AMN: variants seen among roughly 807,000 people sequenced by gnomAD.
AMN encodes the protein amnion associated transmembrane protein, also known as protein amnionless.
Under a neutral mutation model 49.1 loss-of-function variants are expected in AMN, and 40 were observed. The ratio of observed to expected loss-of-function variants is 0.81; its 90% CI spans 0.63 to 1.06. The LOEUF (loss-of-function observed/expected upper bound fraction) is 1.06. AMN is among the 50% of genes least tolerant of loss of function. AMN has a pLI of 0.00. For synonymous variants in AMN, 380 were observed against 313.3 expected, an observed-to-expected ratio of 1.21 and a Z score of -2.25; for missense variants, 701 against 662.8, an observed-to-expected ratio of 1.06 and a Z score of -0.63.
chr14:102,929,958 A>G lies in AMN; in HGVS notation c.878A>G (p.Lys293Arg), dbSNP rs927694676. ...QYHGLQVAVSKVPRSSRLREA... is the reference protein window; with the variant it reads ...QYHGLQVAVSRVPRSSRLREA... ...CACGGGCTGCAGGTGGCCGTGTCCAAGGTGCCACGCTCGTCCCGGCTCCGT... is the reference window on the plus strand; with the variant it reads ...CACGGGCTGCAGGTGGCCGTGTCCAGGGTGCCACGCTCGTCCCGGCTCCGT... The change falls in exon 9 of 12, where the codon AAG becomes AGG. Residue 293 changes from lysine to arginine, a missense_variant. By Grantham distance (26) the Lys-to-Arg change is conservative. Coordinates refer to ENST00000299155, the MANE Select transcript of AMN (RefSeq NM_030943.4). The G allele has an allele frequency of 6.4e-7, 1 of 1,564,222 alleles. No individual in the cohort carries two copies. The highest frequency in any genetic ancestry group is 8.7e-7 in the Non-Finnish European group (1 of 1,155,290).
At position 102,928,412 on chromosome 14, in the gene AMN, C is replaced by G; in HGVS notation, c.208-14C>G. The G allele has an allele frequency of 1.3e-6, 2 of 1,586,038 alleles. No individual in the cohort carries two copies. Among genetic ancestry groups the G allele is most frequent in the Non-Finnish European group, 1.7e-6 (2 of 1,168,566 alleles). On this transcript the variant is annotated splice_polypyrimidine_tract_variant and intron_variant, in intron 3 of 11. Coordinates refer to ENST00000299155, the MANE Select transcript of AMN (RefSeq NM_030943.4). The stretch of plus-strand genomic sequence containing the variant: ...ACCCCCGCGTGGCGCCGCCTCAGCC[C>G]GTGTCTCTTGCAGCTCCTGCCGCTG...
chr14:102,928,321 C>T (rs150790705), intron 3 of AMN, 105 bp from the exon 4 acceptor site: 10 of 1,067,274 alleles, frequency 9.4e-6, no homozygotes, highest in African/African-American at 3.2e-5. Context: ...GGGCTCCTTC[C>T]GTGCACAGGG....
At chr14:102,924,076 A>T (rs1024755085) in intron 3 of AMN, 97 bp downstream of exon 3, 2 of 1,545,064 alleles carry the variant, frequency 1.3e-6, no homozygotes, top group Admixed American at 3.3e-5. Context: ...CCCCACCGGC[A>T]TGGAGGCACT....
intron 3 of AMN, among the ~76,000 whole-genome samples, chr14:102,927,049 C>T (rs1891204235): frequency 1.3e-5 from 2 of 152,140 alleles, no homozygotes; most frequent in South Asian, 4.1e-4. Flanking sequence ...TGTGCCACCA[C>T]GCCCGGCTAA....
In AMN at chr14:102,929,117, G is replaced by T; in HGVS notation, c.514-4G>T. ...GGCTCCGGTGGGGACCCGGCTGCCC[G>T]CAGACGTTCACGCGCGACGAGGACC... On this transcript the variant is annotated splice_region_variant and splice_polypyrimidine_tract_variant and intron_variant, in intron 5 of 11. Coordinates refer to ENST00000299155, the MANE Select transcript of AMN (RefSeq NM_030943.4). The T allele has an allele frequency of 2.5e-6, 4 of 1,597,510 alleles. No individual in the cohort carries two copies. Among genetic ancestry groups the T allele is most frequent in the Non-Finnish European group, 3.4e-6 (4 of 1,179,606 alleles).
intron 6 of AMN, 40 bp from the exon 7 acceptor site, chr14:102,929,388 C>G: frequency 3.9e-6 from 6 of 1,522,088 alleles, no homozygotes; most frequent in Non-Finnish European, 5.3e-6. Context: ...CGCTGCGGTC[C>G]GCTCTGGCCC....
chr14:102,923,903 C>G (rs535042576), intron 2 of AMN, 32 bp from the exon 3 acceptor site: 1 of 1,613,028 alleles, frequency 6.2e-7, no homozygotes, highest in African/African-American at 1.3e-5. Context: ...GGGGGTTGCT[C>G]CCGGCTCGGC....
At chr14:102,927,974 C>CA (rs754771860) in intron 3 of AMN, among the ~76,000 whole-genome samples, 1 of 152,244 alleles carries the variant, frequency 6.6e-6, no homozygotes, top group African/African-American at 2.4e-5. Flanking sequence ...CTCCCTCACA[C>CA]ACCAAGAGCG....
At position 102,928,079 on chromosome 14, in the gene AMN, G is replaced by A. The variant is rs370378800; in HGVS notation, c.208-347G>A. Among the ~76,000 whole-genome samples the A allele has an allele frequency of 6.2e-4, 95 of 152,304 alleles. 1 individual carries two copies. The Middle Eastern group carries it at 0.017, about 27-fold the overall frequency. The stretch of plus-strand genomic sequence containing the variant: ...CTGTGCACGTTCTCAAGGGGCTACG[G>A]GGGGAGGCGACAGGCCCTGGCCAGA... On this transcript the variant is annotated intron_variant, in intron 3 of 11. Coordinates refer to ENST00000299155, the MANE Select transcript of AMN (RefSeq NM_030943.4).
In AMN at chr14:102,930,217, C is replaced by T; in HGVS notation, c.1059C>T (p.Val353=). 2 of 1,434,680 alleles carry T rather than the reference C, an allele frequency of 1.4e-6. No individual in the cohort carries two copies. Among genetic ancestry groups the T allele is most frequent in the South Asian group, 1.4e-5 (1 of 71,470 alleles). 88.9% of individuals were successfully genotyped at this position (1,434,680 alleles called of 1,614,324 possible). A position where few individuals can be genotyped will look rare whatever the true frequency, so the allele number is the denominator to read the frequency against. The change falls in exon 10 of 12, where the codon GTC becomes GTT. Residue 353 remains valine (V), a synonymous_variant. Transcript: ENST00000299155. ...EATMRESGAH[V]WGSSAAGLAG... is the part of the protein sequence containing the mutation. Reference sequence around the variant, plus strand: ...CCATGCGGGAGTCGGGCGCACACGTCTGGGGCAGCTCCGCGGCTGGGCTGG... The same window carrying T: ...CCATGCGGGAGTCGGGCGCACACGTTTGGGGCAGCTCCGCGGCTGGGCTGG...
At position 102,930,424 on chromosome 14, in the gene AMN, G is replaced by A. The variant is rs1288262635; in HGVS notation, c.1188G>A (p.Ala396=). The A allele has an allele frequency of 2.0e-6, 3 of 1,520,382 alleles. No individual in the cohort carries two copies. Among genetic ancestry groups the A allele is most frequent in the Admixed American group, 2.0e-5 (1 of 49,738 alleles). 94.2% of individuals were successfully genotyped at this position (1,520,382 alleles called of 1,614,324 possible). ...AGRLRWRRHE[A]AAPAGAPLGF... is the part of the protein sequence containing the mutation. ...CCCTCAGGTGGAGGAGGCACGAGGC[G>A]GCGGCCCCGGCTGGAGCGCCCCTCG... The change falls in exon 11 of 12, where the codon GCG becomes GCA. Residue 396 remains alanine, a synonymous_variant. Transcript: ENST00000299155.
At position 102,930,346 on chromosome 14, in the gene AMN, C is replaced by T. The variant is rs1010866434; in HGVS notation, c.1169+19C>T. On this transcript the variant is annotated intron_variant, in intron 10 of 11. Coordinates refer to ENST00000299155, the MANE Select transcript of AMN (RefSeq NM_030943.4). ...GGCTCAGGTACGCGGGGCGGGGGCG[C>T]GGAGGTGGGGCTGGGGGTTGCTCCG... The T allele has an allele frequency of 1.4e-6, 2 of 1,413,130 alleles. No homozygotes were observed. Among genetic ancestry groups the T allele is most frequent in the African/African-American group, 3.0e-5 (2 of 66,322 alleles). 87.5% of individuals were successfully genotyped at this position (1,413,130 alleles called of 1,614,324 possible). A position where few individuals can be genotyped will look rare whatever the true frequency, so the allele number is the denominator to read the frequency against.
In AMN at chr14:102,929,113, G is replaced by A; in HGVS notation, c.514-8G>A. The A allele has an allele frequency of 6.3e-7, 1 of 1,597,548 alleles. No homozygotes were observed. The highest frequency in any genetic ancestry group is 8.5e-7 in the Non-Finnish European group (1 of 1,179,602). ...GGCTGGCTCCGGTGGGGACCCGGCT[G>A]CCCGCAGACGTTCACGCGCGACGAG... On this transcript the variant is annotated splice_region_variant and splice_polypyrimidine_tract_variant and intron_variant, in intron 5 of 11. Coordinates refer to ENST00000299155, the MANE Select transcript of AMN (RefSeq NM_030943.4).
intron 6 of AMN, 41 bp from the exon 7 acceptor site, chr14:102,929,387 C>A: frequency 6.6e-7 from 1 of 1,522,260 alleles, no homozygotes; most frequent in South Asian, 1.2e-5. Context: ...TCGCTGCGGT[C>A]CGCTCTGGCC....
chr14:102,922,665 TG>T lies in AMN; in HGVS notation c.-20del, dbSNP rs1203513966. ...GGTCCAGTGGGGCAAAGTCTCCTGG[TG>T]GGGTGCAAGGAGCCGAGGCGAGATG... On this transcript the variant is annotated 5_prime_UTR_variant, in exon 1 of 12. Transcript: ENST00000299155. 2 of 1,595,494 alleles carry T rather than the reference TG, an allele frequency of 1.3e-6. No homozygotes were observed. The highest frequency in any genetic ancestry group is 8.5e-7 in the Non-Finnish European group (1 of 1,174,452).
rs746577181 is a variant in AMN at position 102,928,709 on chromosome 14, T to C, written c.296-49T>C. 2.2e-5 allele frequency: 35 copies of C among 1,566,524 alleles called. No individual in the cohort carries two copies. In the Admixed American group the frequency reaches 3.2e-4, roughly 14 times the overall value. On this transcript the variant is annotated intron_variant, in intron 4 of 11. Coordinates refer to ENST00000299155, the MANE Select transcript of AMN (RefSeq NM_030943.4). ...CGTGGCGTGGCGTGGCGTGGCGTGG[T>C]GTGGCGCGGCGCTTGTTCCGTGGAG...
At chr14:102,929,301 C>T (rs1273029124) in intron 6 of AMN, 43 bp downstream of exon 6, 14 of 1,444,974 alleles carry the variant, frequency 9.7e-6, no homozygotes, top group African/African-American at 1.5e-5. Context: ...GCGCGAGGGT[C>T]GGGACTGTGC....
chr14:102,929,053 T>A, intron 5 of AMN, 68 bp from the exon 6 acceptor site: 1 of 1,596,716 alleles, frequency 6.3e-7, no homozygotes, highest in South Asian at 1.1e-5. Context: ...TCTGCACACG[T>A]TGGGTCTGAG....
Position 102,930,047 on chromosome 14 carries a change from C to A in AMN, c.967C>A (p.Arg323=), listed in dbSNP as rs759940999. 5 of 1,547,624 alleles carry A rather than the reference C, an allele frequency of 3.2e-6. No homozygotes were observed. The highest frequency in any genetic ancestry group is 4.4e-6 in the Non-Finnish European group (5 of 1,146,814). Residue 323 remains arginine (R), a synonymous_variant, in exon 9 of 12, where the codon CGG becomes AGG. Coordinates refer to ENST00000299155, the MANE Select transcript of AMN (RefSeq NM_030943.4). ...TGGGCCCGAGACAGGCGGAGCGGGGCGGCTGGCCCGGGCCCTCCTGGCGGA... is the reference window on the plus strand; with the variant it reads ...TGGGCCCGAGACAGGCGGAGCGGGGAGGCTGGCCCGGGCCCTCCTGGCGGA... The part of the protein sequence containing the change: ...ENGPETGGAG[R]LARALLADVA...
Sources: gnomAD v4.1 joint callset for allele counts (sites outside exome capture counted in the v4.1 genomes callset) on GRCh38, gnomAD v4.1.1 for gene constraint, MANE v1.5 for transcripts, NCBI Gene and HGNC (gene_info 2026-07-23, HGNC 2026-07-21) for gene names.